The following DLD variants were observed in gnomAD, a reference collection of about 807,000 sequenced individuals.
DLD encodes dihydrolipoyl dehydrogenase, mitochondrial.
DLD carries 36 observed loss-of-function variants against 62.2 expected under a neutral mutation model. That is an observed-to-expected ratio of 0.58 (90% confidence interval 0.44 to 0.76). The LOEUF (loss-of-function observed/expected upper bound fraction) is 0.76. Ranked by LOEUF, DLD falls within the 30% of genes least tolerant of loss-of-function variation. The pLI is 0.00. For synonymous variants in DLD, 204 were observed against 199.6 expected, an observed-to-expected ratio of 1.02 and a Z score of -0.19; for missense variants, 541 against 608.6, an observed-to-expected ratio of 0.89 and a Z score of 1.17.
rs200148324 is a variant in DLD at position 107,891,285 on chromosome 7, C to G, written c.35C>G (p.Ala12Gly). The G allele has an allele frequency of 6.2e-7, 1 of 1,614,098 alleles. No homozygotes were observed. Among genetic ancestry groups the G allele is most frequent in the Non-Finnish European group, 8.5e-7 (1 of 1,179,938 alleles). ...TGGAGTCGTGTGTACTGCTCCTTGG[C>G]CAAGGTGAGGGCCGAGTAGGTGAGG... Reference protein sequence around the residue: ...QSWSRVYCSLAKRGHFNRISH... With the variant: ...QSWSRVYCSLGKRGHFNRISH... The change falls in exon 1 of 14, where the codon GCC becomes GGC. Residue 12 changes from alanine to glycine, a missense_variant. Coordinates refer to ENST00000205402, the MANE Select transcript of DLD (RefSeq NM_000108.5).
chr7:107,903,501 T>C lies in DLD; in HGVS notation c.291T>C (p.Tyr97=). The change falls in exon 5 of 14, where the codon TAT becomes TAC. Residue 97 remains tyrosine, a synonymous_variant. Coordinates refer to ENST00000205402, the MANE Select transcript of DLD (RefSeq NM_000108.5). ...AGGCTTTATTGAACAACTCTCATTA[T>C]TACCATATGGCCCATGGAAAAGATT... ...PSKALLNNSH[Y]YHMAHGKDFA... is the part of the protein sequence containing the mutation. The C allele has an allele frequency of 1.3e-6, 2 of 1,595,114 alleles. No homozygotes were observed. Among genetic ancestry groups the C allele is most frequent in the Non-Finnish European group, 1.7e-6 (2 of 1,163,244 alleles).
At chr7:107,893,793 A>G (rs58787426) in intron 2 of DLD, among the ~76,000 whole-genome samples, 18,345 of 152,236 alleles carry the variant, frequency 0.12, 1,749 homozygotes, top group East Asian at 0.51. Context: ...AGAGGTAGGC[A>G]GGAGACAGAT....
chr7:107,892,833 C>G (rs1482257629), intron 1 of DLD, among the ~76,000 whole-genome samples: 1 of 152,196 alleles, frequency 6.6e-6, no homozygotes, highest in Non-Finnish European at 1.5e-5. Flanking sequence ...CAGGCGTGAG[C>G]CACCACGGCC....
chr7:107,903,900 G>A (rs2031939723), intron 5 of DLD: 1 of 208,734 alleles, frequency 4.8e-6, no homozygotes, highest in Non-Finnish European at 9.8e-6. Flanking sequence ...GTACTATGGG[G>A]AGATAGAGGA....
intron 12 of DLD, 70 bp from the exon 13 acceptor site, chr7:107,918,940 A>G (rs1236259490): frequency 1.5e-6 from 2 of 1,291,772 alleles, no homozygotes; most frequent in African/African-American, 1.5e-5. Context: ...GCTTCCCCTC[A>G]ACAATTGCTA....
At chr7:107,906,486 A>T in intron 8 of DLD, 118 bp downstream of exon 8, 5 of 710,134 alleles carry the variant, frequency 7.0e-6, no homozygotes, top group Non-Finnish European at 1.0e-5. Context: ...TTGCTTAAAC[A>T]CTTCTAGTAA....
Position 107,898,726 on chromosome 7 carries a change from G to A in DLD, c.119-3012G>A, listed in dbSNP as rs536303055. Among the ~76,000 whole-genome samples the A allele has an allele frequency of 1.6e-4, 25 of 152,048 alleles. 1 individual carries two copies. The South Asian group carries it at 5.2e-3, about 32-fold the overall frequency. On this transcript the variant is annotated intron_variant, in intron 2 of 13. Transcript: ENST00000205402. ...CTGCCTCAGCCTCCCCAGCAGCTGG[G>A]ACTACAGGTGCCTGCCACCACGCCC...
At position 107,920,803 on chromosome 7, in the gene DLD, T is replaced by G. The variant is rs2032392383; in HGVS notation, c.*1544T>G. On this transcript the variant is annotated 3_prime_UTR_variant, in exon 14 of 14. Coordinates refer to ENST00000205402, the MANE Select transcript of DLD (RefSeq NM_000108.5). ...CATTGAGCCAGTGCTGTTCACTTTT[T>G]AAGTGCCAACTTCCCTCTACTTTCC... 6.6e-6 allele frequency: 1 copy of G among 152,278 alleles called. No individual in the cohort carries two copies. Among genetic ancestry groups the G allele is most frequent in the African/African-American group, 2.4e-5 (1 of 41,478 alleles). The allele number at this position is 152,278 out of a possible 1,614,324, so 9.4% of individuals were successfully genotyped here. A position where few individuals can be genotyped will look rare whatever the true frequency, so the allele number is the denominator to read the frequency against.
upstream of DLD, chr7:107,891,176 G>T: frequency 6.3e-7 from 1 of 1,577,526 alleles, no homozygotes; most frequent in Non-Finnish European, 8.7e-7. Context: ...GCGCAGGGAG[G>T]GGAGACCTTG....
At chr7:107,893,364 T>C in intron 2 of DLD, 86 bp downstream of exon 2, 1 of 985,078 alleles carries the variant, frequency 1.0e-6, no homozygotes, top group Non-Finnish European at 1.5e-6. Flanking sequence ...AATATTGGAA[T>C]AACTTATGTT....
Position 107,919,112 on chromosome 7 carries a change from A to G in DLD, c.1464+13A>G. ...TCATGCACATCCGGTAATTATTAAC[A>G]ACATATAGAATTGATGGTTGCCTAA... On this transcript the variant is annotated intron_variant, in intron 13 of 13. Transcript: ENST00000205402. The G allele has an allele frequency of 1.2e-6, 2 of 1,613,038 alleles. No individual in the cohort carries two copies. The highest frequency in any genetic ancestry group is 1.7e-6 in the Non-Finnish European group (2 of 1,179,042).
At chr7:107,910,649 C>G (rs927231501) in intron 8 of DLD, among the ~76,000 whole-genome samples, 8 of 152,112 alleles carry the variant, frequency 5.3e-5, no homozygotes, top group Non-Finnish European at 1.2e-4. Context: ...TGTTAATGAG[C>G]CACTCTGAAC....
At chr7:107,910,168 T>G (rs1001090914) in intron 8 of DLD, among the ~76,000 whole-genome samples, 8 of 152,218 alleles carry the variant, frequency 5.3e-5, no homozygotes, top group African/African-American at 1.7e-4. Context: ...AATTAACTCT[T>G]TAAAAATGAC....
chr7:107,918,692 A>G (rs2237683), intron 12 of DLD, among the ~76,000 whole-genome samples: 42,672 of 152,120 alleles, frequency 0.28, 7,085 homozygotes, highest in Non-Finnish European at 0.37. Flanking sequence ...TCACTTTAGT[A>G]TACATTTTGT....
rs2116205335 is a variant in DLD, at chr7:107,901,470, A to G, written c.119-268A>G. Among the ~76,000 whole-genome samples, 3 of 152,302 alleles carry G rather than the reference A, an allele frequency of 2.0e-5. No homozygotes were observed. The South Asian group carries it at 6.2e-4, about 32-fold the overall frequency. On this transcript the variant is annotated intron_variant, in intron 2 of 13. Coordinates refer to ENST00000205402, the MANE Select transcript of DLD (RefSeq NM_000108.5). The stretch of plus-strand genomic sequence containing the variant: ...GAATTTAGGAAGGTCAGTGAATACA[A>G]TGTGAGTGTTACAGAACTCAGTTGT...
intron 8 of DLD, among the ~76,000 whole-genome samples, chr7:107,907,806 T>G (rs1328928353): frequency 6.6e-6 from 1 of 152,254 alleles, no homozygotes; most frequent in Non-Finnish European, 1.5e-5. Context: ...TCCCATGTCC[T>G]TCTTGAGTTA....
At chr7:107,904,889 G>A (rs764254333) in intron 5 of DLD, 69 bp from the exon 6 acceptor site, 2 of 1,127,270 alleles carry the variant, frequency 1.8e-6, no homozygotes, top group African/African-American at 1.5e-5. Flanking sequence ...TCCAGTTGGT[G>A]AGTGAAAAAC....
At chr7:107,898,351 G>C (rs1398692804) in intron 2 of DLD, among the ~76,000 whole-genome samples, 1 of 129,948 alleles carries the variant, frequency 7.7e-6, no homozygotes, top group Non-Finnish European at 1.5e-5. Flanking sequence ...CACGATTTCA[G>C]TTCACTGCGA....
chr7:107,912,118 C>T (rs1451964448), intron 8 of DLD, among the ~76,000 whole-genome samples: 3 of 152,022 alleles, frequency 2.0e-5, no homozygotes. Flanking sequence ...TTTTGCTTAA[C>T]ATGCTGTCTT....
Sources: allele counts gnomAD v4.1 joint callset (sites outside exome capture counted in the v4.1 genomes callset), GRCh38; gene constraint gnomAD v4.1.1; transcripts MANE v1.5; gene names NCBI Gene and HGNC (gene_info 2026-07-23, HGNC 2026-07-21).